PTN: variants seen among roughly 807,000 people sequenced by gnomAD.
The protein encoded by PTN is heparin affin regulatory protein.
In PTN, 18 loss-of-function variants were observed where a neutral mutation model predicts 24.1. That is an observed-to-expected ratio of 0.75 (90% CI 0.52 to 1.11). The LOEUF is 1.11. Ranked by LOEUF, PTN falls within the 50% of genes least tolerant of loss-of-function variation. The pLI is 0.00. For synonymous variants in PTN, 78 were observed against 68.6 expected (o/e 1.14, Z -0.67); for missense variants, 163 against 198.8 (o/e 0.82, Z 1.08).
At chr7:137,324,417 T>TAAAAAAAA (rs1366943397) in intron 1 of PTN, among the ~76,000 whole-genome samples, 7 of 63,470 alleles carry the variant, frequency 1.1e-4, no homozygotes, top group South Asian at 1.1e-3. Context: ...ACCCTGTCTC[T>TAAAAAAAA]AAAAAAAAAA....
intron 4 of PTN, among the ~76,000 whole-genome samples, chr7:137,240,003 G>T (rs1021138297): frequency 6.6e-6 from 1 of 151,988 alleles, no homozygotes; most frequent in African/African-American, 2.4e-5. Context: ...TGCTTGTTTC[G>T]TTTAGAACAC....
At chr7:137,309,690 CA>C (rs1023980708) in intron 1 of PTN, among the ~76,000 whole-genome samples, 11 of 152,170 alleles carry the variant, frequency 7.2e-5, no homozygotes, top group Admixed American at 1.3e-4. Flanking sequence ...ATTCTTTGCT[CA>C]CCCATAAGAA....
At chr7:137,249,613 A>G (rs1808786602) in intron 4 of PTN, among the ~76,000 whole-genome samples, 2 of 152,198 alleles carry the variant, frequency 1.3e-5, no homozygotes, top group Non-Finnish European at 2.9e-5. Context: ...CTAAAAATAA[A>G]TTATTTTGAC....
chr7:137,246,081 T>G (rs322303), intron 4 of PTN, among the ~76,000 whole-genome samples: 13,741 of 152,272 alleles, frequency 0.09, 683 homozygotes, highest in Non-Finnish European at 0.11. Context: ...TAATGTCCTA[T>G]GCCTTCACAT....
chr7:137,284,607 G>A (rs896048621), intron 1 of PTN, among the ~76,000 whole-genome samples: 5 of 152,064 alleles, frequency 3.3e-5, no homozygotes, highest in African/African-American at 1.2e-4. Context: ...CTTGGTTTCA[G>A]GAAATTATTT....
chr7:137,232,394 C>T (rs1808442532), intron 4 of PTN, among the ~76,000 whole-genome samples: 1 of 151,784 alleles, frequency 6.6e-6, no homozygotes, highest in African/African-American at 2.4e-5. Context: ...GGCTAGTACT[C>T]ATAATAATTG....
At chr7:137,240,424 T>C (rs1169928960) in intron 4 of PTN, among the ~76,000 whole-genome samples, 11 of 152,230 alleles carry the variant, frequency 7.2e-5, no homozygotes, top group Admixed American at 7.2e-4. Flanking sequence ...AATTTATCCC[T>C]CTGCTTCTCC....
intron 1 of PTN, chr7:137,324,602 G>A (rs1224531959): frequency 6.6e-6 from 1 of 150,694 alleles, no homozygotes; most frequent in East Asian, 2.0e-4. Context: ...GATGTTTTAA[G>A]CCAAATAATC....
intron 1 of PTN, among the ~76,000 whole-genome samples, chr7:137,267,912 T>C (rs933071917): frequency 2.0e-5 from 3 of 151,994 alleles, no homozygotes; most frequent in African/African-American, 7.3e-5. Flanking sequence ...GATCAGGCCA[T>C]GCTTCCACTT....
intron 1 of PTN, among the ~76,000 whole-genome samples, chr7:137,320,466 T>C (rs1810145602): frequency 6.6e-6 from 1 of 152,236 alleles, no homozygotes; most frequent in Admixed American, 6.5e-5. Context: ...TAGAATTTGA[T>C]ACTCTTCCTT....
At chr7:137,282,417 A>G (rs950476070) in intron 1 of PTN, among the ~76,000 whole-genome samples, 2 of 152,178 alleles carry the variant, frequency 1.3e-5, no homozygotes. Flanking sequence ...TAAATAGATG[A>G]CTGATACTTT....
chr7:137,240,069 C>T (rs1001150929), intron 4 of PTN, among the ~76,000 whole-genome samples: 5 of 152,286 alleles, frequency 3.3e-5, no homozygotes, highest in East Asian at 1.9e-4. Context: ...TTACCTTGTC[C>T]GAGAGGCTTT....
intron 4 of PTN, among the ~76,000 whole-genome samples, chr7:137,241,957 A>C (rs1808636257): frequency 6.6e-6 from 1 of 151,974 alleles, no homozygotes; most frequent in Non-Finnish European, 1.5e-5. Flanking sequence ...CTCTCTCAAC[A>C]CAGTTAAAAG....
intron 4 of PTN, among the ~76,000 whole-genome samples, chr7:137,231,738 C>G (rs553989457): frequency 2.0e-5 from 3 of 151,862 alleles, no homozygotes; most frequent in Admixed American, 2.0e-4. Context: ...AGTGTAAATC[C>G]AATTAGAATC....
chr7:137,329,332 T>A (rs1376949880), intron 1 of PTN, among the ~76,000 whole-genome samples: 1 of 152,064 alleles, frequency 6.6e-6, no homozygotes, highest in South Asian at 2.1e-4. Context: ...AACTAGTTGG[T>A]GATAAGGGAG....
intron 4 of PTN, among the ~76,000 whole-genome samples, chr7:137,231,827 T>C (rs902358294): frequency 1.3e-5 from 2 of 151,996 alleles, no homozygotes; most frequent in Admixed American, 1.3e-4. Context: ...ATGAAATTTA[T>C]CCAGGTTTCT....
At chr7:137,296,274 A>C (rs1809717017) in intron 1 of PTN, among the ~76,000 whole-genome samples, 1 of 152,130 alleles carries the variant, frequency 6.6e-6, no homozygotes, top group Non-Finnish European at 1.5e-5. Flanking sequence ...CATGATAATA[A>C]ATATTTCTGT....
intron 1 of PTN, among the ~76,000 whole-genome samples, chr7:137,333,835 A>G (rs1810400778): frequency 6.6e-6 from 1 of 152,340 alleles, no homozygotes; most frequent in East Asian, 1.9e-4. Flanking sequence ...TACTGGTACC[A>G]AAACAGAGAT....
rs539202235 is a variant in PTN at position 137,320,627 on chromosome 7, A to G, written c.-2+22812T>C. On this transcript the variant is annotated intron_variant, in intron 1 of 4. Coordinates refer to ENST00000348225, the MANE Select transcript of PTN (RefSeq NM_002825.7). ...ATAGGAGAAAGAGGATTAAAGCAAAATTTTGATTTTTTTTTAAAAAAGGAT... is the reference window on the plus strand; with the variant it reads ...ATAGGAGAAAGAGGATTAAAGCAAAGTTTTGATTTTTTTTTAAAAAAGGAT... Among the ~76,000 whole-genome samples the G allele has an allele frequency of 3.3e-5, 5 of 152,268 alleles. No individual in the cohort carries two copies. In the East Asian group the frequency reaches 9.6e-4, roughly 29 times the overall value.
Sources: gnomAD v4.1 joint callset for allele counts (sites outside exome capture counted in the v4.1 genomes callset) on GRCh38, gnomAD v4.1.1 for gene constraint, MANE v1.5 for transcripts, NCBI Gene and HGNC (gene_info 2026-07-23, HGNC 2026-07-21) for gene names.